The following PEX13 variants were observed in gnomAD, a reference collection of about 807,000 sequenced individuals.
PEX13 encodes the protein peroxisomal biogenesis factor 13.
A neutral mutation model predicts 34.5 loss-of-function variants in PEX13; 28 were observed. The ratio of observed to expected loss-of-function variants is 0.81; its 90% CI spans 0.60 to 1.11. PEX13 has a LOEUF of 1.11. Among genes scored for constraint, PEX13 ranks in the 50% most tolerant of loss-of-function variants. The probability of loss-of-function intolerance (pLI) is 0.00; values close to 1 mark genes in which losing one functional copy is unlikely to be tolerated. For synonymous variants in PEX13, 177 were observed against 175.1 expected, an observed-to-expected ratio of 1.01 and a Z score of -0.09; for missense variants, 550 against 491.0, an observed-to-expected ratio of 1.12 and a Z score of -1.13.
chr2:61,023,095 C>T (rs1333991484), intron 1 of PEX13, among the ~76,000 whole-genome samples: 3 of 151,894 alleles, frequency 2.0e-5, no homozygotes, highest in Admixed American at 6.6e-5. Flanking sequence ...GCTTCTACAT[C>T]CTGGGATTAA....
chr2:61,019,118 A>G (rs927208464), intron 1 of PEX13: 1 of 152,262 alleles, frequency 6.6e-6, no homozygotes, highest in African/African-American at 2.4e-5. Flanking sequence ...TGTTTCGCAT[A>G]CCCAGTAATG....
Position 61,031,991 on chromosome 2 carries a change from G to GCA in PEX13, c.665_666insCA (p.Ala223MetfsTer40), listed in dbSNP as rs1386655240. The GCA allele has an allele frequency of 1.2e-6, 2 of 1,613,742 alleles. No homozygotes were observed. The highest frequency in any genetic ancestry group is 1.7e-6 in the Non-Finnish European group (2 of 1,179,800). On this transcript the variant is annotated frameshift_variant, in exon 2 of 4. Transcript: ENST00000295030. LOFTEE classifies it high-confidence loss of function. ...AGTGAAGGAACTGTGGCATGCCTTG[G>GCA]TGCTGAGGACCGAGCAGCTACCTCA...
chr2:61,029,064 T>A (rs1680406405), intron 1 of PEX13, among the ~76,000 whole-genome samples: 1 of 147,240 alleles, frequency 6.8e-6, no homozygotes. Context: ...CATAGGAAGC[T>A]GAGGCAGAAG....
chr2:61,042,118 G>T (rs1465242595), intron 2 of PEX13, among the ~76,000 whole-genome samples: 2 of 152,214 alleles, frequency 1.3e-5, no homozygotes, highest in African/African-American at 4.8e-5. Flanking sequence ...GAAATTAAAA[G>T]AATGTTTTAA....
chr2:61,034,774 C>G (rs563028811), intron 2 of PEX13, among the ~76,000 whole-genome samples: 1 of 152,342 alleles, frequency 6.6e-6, no homozygotes, highest in East Asian at 1.9e-4. Flanking sequence ...TCTGCCATTG[C>G]TGAGGCTTGA....
rs548374776 is a variant in PEX13, at chr2:61,048,939, C to G, written c.*169C>G. On this transcript the variant is annotated 3_prime_UTR_variant, in exon 4 of 4. Transcript: ENST00000295030. ...ACACACTAGTATGTTGGTCTGGTGA[C>G]CTGGTTACATTTTATTATACACATT... The G allele has an allele frequency of 4.8e-6, 3 of 626,518 alleles. No individual in the cohort carries two copies. The highest frequency in any genetic ancestry group is 8.4e-6 in the Non-Finnish European group (3 of 358,814). 38.8% of individuals were successfully genotyped at this position (626,518 alleles called of 1,614,324 possible).
At chr2:61,029,456 T>C (rs1261020858) in intron 1 of PEX13, among the ~76,000 whole-genome samples, 1 of 152,128 alleles carries the variant, frequency 6.6e-6, no homozygotes, top group African/African-American at 2.4e-5. Context: ...AATATAGAGT[T>C]TCCATATAAC....
Position 61,031,614 on chromosome 2 carries a change from T to C in PEX13, c.288T>C (p.Tyr96=), listed in dbSNP as rs768723669. The change falls in exon 2 of 4, where the codon TAT becomes TAC. Residue 96 remains tyrosine, a synonymous_variant. Coordinates refer to ENST00000295030, the MANE Select transcript of PEX13 (RefSeq NM_002618.4). The part of the protein sequence containing the change: ...GNSFYGGYSP[Y]SYGYNGLGYN... ...CATTTTATGGAGGCTATAGTCCTTA[T>C]AGTTATGGATATAATGGGCTGGGCT... The C allele has an allele frequency of 6.2e-7, 1 of 1,614,150 alleles. No homozygotes were observed. The highest frequency in any genetic ancestry group is 8.5e-7 in the Non-Finnish European group (1 of 1,179,998).
At chr2:61,037,159 G>A (rs562755836) in intron 2 of PEX13, among the ~76,000 whole-genome samples, 23 of 152,174 alleles carry the variant, frequency 1.5e-4, no homozygotes, top group South Asian at 2.1e-4. Flanking sequence ...ACTTAGACTC[G>A]CACACAATCA....
chr2:61,048,510 C>G lies in PEX13; in HGVS notation c.952C>G (p.Leu318Val). Residue 318 changes from leucine (L) to valine (V), a missense_variant, in exon 4 of 4, where the codon CTT becomes GTT. Leu to Val is a conservative substitution (Grantham distance 32). Coordinates refer to ENST00000295030, the MANE Select transcript of PEX13 (RefSeq NM_002618.4). The stretch of plus-strand genomic sequence containing the variant: ...AGTGCGTGGTTGGCTTCTGGCTAGC[C>G]TTGATGGCCAAACAACAGGACTTAT... ...PKVRGWLLAS[L>V]DGQTTGLIPA... The G allele has an allele frequency of 6.2e-7, 1 of 1,614,042 alleles. No individual in the cohort carries two copies. The highest frequency in any genetic ancestry group is 1.1e-5 in the South Asian group (1 of 91,078).
At chr2:61,018,131 C>T (rs750417775) in intron 1 of PEX13, 3 of 1,549,334 alleles carry the variant, frequency 1.9e-6, no homozygotes, top group South Asian at 1.2e-5. Context: ...GGGCGGCTTC[C>T]TACCTACCGC....
At position 61,032,085 on chromosome 2, in the gene PEX13, A is replaced by G. The variant is rs752467884; in HGVS notation, c.759A>G (p.Leu253=). 20 of 1,613,456 alleles carry G rather than the reference A, an allele frequency of 1.2e-5. No homozygotes were observed. The highest frequency in any genetic ancestry group is 4.4e-5 in the South Asian group (4 of 91,048). ...ILGGPYLIWK[L]LSTHSDEVTD... ...GTGGTCCTTACCTCATTTGGAAACT[A>G]TTGTCTACTCACAGTGATGAAGTAA... Residue 253 remains leucine, a synonymous_variant, in exon 2 of 4, where the codon CTA becomes CTG. Coordinates refer to ENST00000295030, the MANE Select transcript of PEX13 (RefSeq NM_002618.4).
rs531406599 is a variant in PEX13 at position 61,045,062 on chromosome 2, A to G, written c.788-664A>G. Among the ~76,000 whole-genome samples the G allele has an allele frequency of 2.0e-5, 3 of 152,340 alleles. No individual in the cohort carries two copies. The South Asian group carries it at 6.2e-4, about 32-fold the overall frequency. ...ATAACATGGTAAAAGGCAAATATCA[A>G]GAGAAGAATTTAACAGAATTATATT... On this transcript the variant is annotated intron_variant, in intron 2 of 3. Coordinates refer to ENST00000295030, the MANE Select transcript of PEX13 (RefSeq NM_002618.4).
At chr2:61,034,012 C>T (rs1401269544) in intron 2 of PEX13, among the ~76,000 whole-genome samples, 5 of 151,014 alleles carry the variant, frequency 3.3e-5, no homozygotes, top group Admixed American at 6.6e-5. Flanking sequence ...TTTTTTTCTT[C>T]GGGAGACAGA....
intron 2 of PEX13, among the ~76,000 whole-genome samples, chr2:61,041,716 G>T (rs1430048285): frequency 2.0e-5 from 3 of 152,200 alleles, no homozygotes; most frequent in Non-Finnish European, 2.9e-5. Context: ...GTGGGAGATT[G>T]TCAGTTTTTT....
At chr2:61,025,290 T>C in intron 1 of PEX13, among the ~76,000 whole-genome samples, 1 of 151,766 alleles carries the variant, frequency 6.6e-6, no homozygotes, top group Non-Finnish European at 1.5e-5. Flanking sequence ...AGGCTGGTCT[T>C]GAACTCCTGA....
At chr2:61,045,419 A>G (rs2104812465) in intron 2 of PEX13, among the ~76,000 whole-genome samples, 1 of 152,296 alleles carries the variant, frequency 6.6e-6, no homozygotes, top group African/African-American at 2.4e-5. Context: ...ATTGCCCAAT[A>G]TCCTGTTTTG....
At chr2:61,037,038 T>C (rs1559039440) in intron 2 of PEX13, among the ~76,000 whole-genome samples, 1 of 151,760 alleles carries the variant, frequency 6.6e-6, no homozygotes, top group Non-Finnish European at 1.5e-5. Flanking sequence ...GGCCATTACA[T>C]AATGGTAAAG....
chr2:61,018,199 G>A (rs1680144036), intron 1 of PEX13: 6 of 1,551,006 alleles, frequency 3.9e-6, no homozygotes, highest in South Asian at 3.6e-5. Context: ...ACTTTGGTCT[G>A]TAGCAGTTGA....
Sources: allele counts gnomAD v4.1 joint callset (sites outside exome capture counted in the v4.1 genomes callset), GRCh38; gene constraint gnomAD v4.1.1; transcripts MANE v1.5; gene names NCBI Gene and HGNC (gene_info 2026-07-23, HGNC 2026-07-21).